The following ZNF75A variants were observed in gnomAD, a reference collection of about 807,000 sequenced individuals.
ZNF75A encodes the protein zinc finger protein 75A.
A neutral mutation model predicts 46.3 loss-of-function variants in ZNF75A; 36 were observed. The ratio of observed to expected loss-of-function variants is 0.78; its 90% CI spans 0.60 to 1.03. The LOEUF is 1.03. ZNF75A is among the 50% of genes least tolerant of loss of function. The probability of loss-of-function intolerance (pLI) is 0.00; values close to 1 mark genes in which losing one functional copy is unlikely to be tolerated. For synonymous variants in ZNF75A, 234 were observed against 189.9 expected (o/e 1.23, Z -1.91); for missense variants, 595 against 551.3 (o/e 1.08, Z -0.79).
At chr16:3,305,958 A>G (rs1203499642) in intron 1 of ZNF75A, 3 of 152,254 alleles carry the variant, frequency 2.0e-5, no homozygotes, top group Non-Finnish European at 2.9e-5. Flanking sequence ...CTGCGCCCGC[A>G]GACTCTTTCC....
chr16:3,306,084 G>A (rs1269198844), intron 1 of ZNF75A: 1 of 152,172 alleles, frequency 6.6e-6, no homozygotes, highest in South Asian at 2.1e-4. Flanking sequence ...CTGGAACCGG[G>A]GTGGGCAGCA....
At position 3,318,293 on chromosome 16, in the gene ZNF75A, G is replaced by A. The variant is rs952606848; in HGVS notation, c.*424G>A. The A allele has an allele frequency of 1.3e-5, 13 of 989,746 alleles. No homozygotes were observed. Among genetic ancestry groups the A allele is most frequent in the Non-Finnish European group, 1.6e-5 (13 of 832,930 alleles). 61.3% of individuals were successfully genotyped at this position (989,746 alleles called of 1,614,324 possible). The stretch of plus-strand genomic sequence containing the variant: ...TTTTCTTTCTTTTGTCATTGGACAC[G>A]GTTTGCAAAGTTGGACATCACTTGA... On this transcript the variant is annotated 3_prime_UTR_variant, in exon 7 of 7. Coordinates refer to ENST00000669516, the MANE Select transcript of ZNF75A (RefSeq NM_001302109.2).
At chr16:3,323,109 TAAA>T (rs567589972), downstream of ZNF75A, 7 of 548,750 alleles carry the variant, frequency 1.3e-5, no homozygotes, top group Non-Finnish European at 2.1e-5. Context: ...AGATACTTGA[TAAA>T]AAAAATCTCA....
Position 3,312,648 on chromosome 16 carries a change from G to T in ZNF75A, c.605-29G>T, listed in dbSNP as rs554623756. On this transcript the variant is annotated intron_variant, in intron 3 of 6. Coordinates refer to ENST00000669516, the MANE Select transcript of ZNF75A (RefSeq NM_001302109.2). The stretch of plus-strand genomic sequence containing the variant: ...GCTCAGGATGTTTATAGATAAAAGA[G>T]ATTTCTTCTGGCTCTTTTCCCCCCA... The T allele has an allele frequency of 1.6e-5, 15 of 960,258 alleles. No homozygotes were observed. In the South Asian group the frequency reaches 5.4e-4, roughly 35 times the overall value. The allele number at this position is 960,258 out of a possible 1,614,324, so 59.5% of individuals were successfully genotyped here. A position where few individuals can be genotyped will look rare whatever the true frequency, so the allele number is the denominator to read the frequency against.
chr16:3,317,358 A>G lies in ZNF75A; in HGVS notation c.1103A>G (p.Gln368Arg), dbSNP rs753677491. 1.2e-6 allele frequency: 2 copies of G among 1,614,176 alleles called. No homozygotes were observed. The highest frequency in any genetic ancestry group is 1.7e-6 in the Non-Finnish European group (2 of 1,180,026). ...ATGCACAGAGTGGGAAAATGGCACC[A>G]AGATTTTCCAGTGAAGAAAAGAAAG... ...FDMHRVGKWH[Q>R]DFPVKKRKKL... is the part of the protein sequence containing the mutation. Residue 368 changes from glutamine (Q) to arginine (R), a missense_variant, in exon 7 of 7, where the codon CAA (glutamine) becomes CGA (arginine). By Grantham distance (43) the Gln-to-Arg change is conservative (BLOSUM62 1). Transcript: ENST00000669516.
rs546687702 is a variant in ZNF75A, at chr16:3,308,763, A to T, written c.335A>T (p.His112Leu). The T allele has an allele frequency of 5.2e-5, 51 of 987,724 alleles. No individual in the cohort carries two copies. The African/African-American group carries it at 8.5e-4, about 17-fold the overall frequency. 61.2% of individuals were successfully genotyped at this position (987,724 alleles called of 1,614,324 possible). A position where few individuals can be genotyped will look rare whatever the true frequency, so the allele number is the denominator to read the frequency against. The change falls in exon 2 of 7, where the codon CAT becomes CTT. Residue 112 changes from histidine (H) to leucine (L), a missense_variant. By Grantham distance (99) the His-to-Leu change is moderately conservative. Transcript: ENST00000669516. ...RETQTQMQKH[H>L]PQSIEEAVAL... Reference sequence around the variant, plus strand: ...ACACAGACCCAGATGCAGAAGCACCATCCACAGAGCATTGAGGAGGCTGTG... The same window carrying T: ...ACACAGACCCAGATGCAGAAGCACCTTCCACAGAGCATTGAGGAGGCTGTG...
Position 3,318,117 on chromosome 16 carries a change from A to G in ZNF75A, c.*248A>G, listed in dbSNP as rs1961366693. 2.4e-6 allele frequency: 3 copies of G among 1,233,512 alleles called. No homozygotes were observed. Among genetic ancestry groups the G allele is most frequent in the African/African-American group, 3.1e-5 (2 of 64,416 alleles). The allele number at this position is 1,233,512 out of a possible 1,614,324, so 76.4% of individuals were successfully genotyped here. A position where few individuals can be genotyped will look rare whatever the true frequency, so the allele number is the denominator to read the frequency against. ...TCATTTTTGAACACATCCAATAGAA[A>G]CATTGGCAGCATGGTCTTCCAAAAC... On this transcript the variant is annotated 3_prime_UTR_variant, in exon 7 of 7. Coordinates refer to ENST00000669516, the MANE Select transcript of ZNF75A (RefSeq NM_001302109.2).
chr16:3,311,073 C>A, intron 2 of ZNF75A: 2 of 518,984 alleles, frequency 3.9e-6, no homozygotes, highest in Non-Finnish European at 4.9e-6. Flanking sequence ...TTAGAGAAAA[C>A]TAGAAGACAG....
intron 2 of ZNF75A, chr16:3,310,759 G>A (rs899569730): frequency 1.0e-6 from 1 of 985,410 alleles, no homozygotes; most frequent in African/African-American, 1.7e-5. Flanking sequence ...GAAATGCACT[G>A]ATGGGTAATG....
rs62034711 is a variant in ZNF75A at position 3,305,565 on chromosome 16, C to T, written c.-195C>T. 35,706 of 152,286 alleles carry T rather than the reference C, an allele frequency of 0.23. 4,504 individuals carry two copies. The highest frequency in any genetic ancestry group is 0.3 in the Admixed American group (4,624 of 15,294). 9.4% of individuals were successfully genotyped at this position (152,286 alleles called of 1,614,324 possible). A position where few individuals can be genotyped will look rare whatever the true frequency, so the allele number is the denominator to read the frequency against. On this transcript the variant is annotated 5_prime_UTR_variant, in exon 1 of 7. Coordinates refer to ENST00000669516, the MANE Select transcript of ZNF75A (RefSeq NM_001302109.2). The stretch of plus-strand genomic sequence containing the variant: ...GGGCTGGCGGTTGCGCTCCTCAGAT[C>T]GGCGGCCTTTCGGGCGGTGGCTTGC...
At chr16:3,317,094 T>C in intron 6 of ZNF75A, 72 bp downstream of exon 6, 1 of 1,540,242 alleles carries the variant, frequency 6.5e-7, no homozygotes, top group Non-Finnish European at 8.8e-7. Flanking sequence ...ATTTTAAGAT[T>C]TTGTTCCTTT....
At chr16:3,305,954 C>T (rs565324504) in intron 1 of ZNF75A, 3 of 152,356 alleles carry the variant, frequency 2.0e-5, no homozygotes, top group African/African-American at 7.2e-5. Flanking sequence ...GCAGCTGCGC[C>T]CGCAGACTCT....
intron 1 of ZNF75A, chr16:3,307,516 T>G (rs1960382066): frequency 6.6e-6 from 1 of 152,054 alleles, no homozygotes; most frequent in South Asian, 2.1e-4. Context: ...AAGGTGCCTT[T>G]ATTTTTAGTT....
chr16:3,314,114 C>T (rs537187814), intron 5 of ZNF75A, among the ~76,000 whole-genome samples: 7 of 152,124 alleles, frequency 4.6e-5, no homozygotes, highest in Non-Finnish European at 1.0e-4. Context: ...TGAGGATAAT[C>T]ATCTGGGGAA....
At chr16:3,316,788 T>A in intron 5 of ZNF75A, 124 bp from the exon 6 acceptor site, 1 of 646,748 alleles carries the variant, frequency 1.5e-6, no homozygotes. Flanking sequence ...TTGGAGTCTA[T>A]CCATTTAACC....
At chr16:3,309,543 A>T (rs1298093791) in intron 2 of ZNF75A, 1 of 151,868 alleles carries the variant, frequency 6.6e-6, no homozygotes, top group South Asian at 2.1e-4. Flanking sequence ...GCCAAGGCAG[A>T]CAGATCCCCT....
intron 4 of ZNF75A, 85 bp from the exon 5 acceptor site, chr16:3,312,964 T>A (rs1221471904): frequency 6.8e-7 from 1 of 1,474,688 alleles, no homozygotes; most frequent in Non-Finnish European, 9.0e-7. Context: ...TTAATTCCTT[T>A]ATCGCCTGGC....
intron 1 of ZNF75A, chr16:3,308,042 C>G (rs773603952): frequency 6.6e-6 from 1 of 152,182 alleles, no homozygotes; most frequent in South Asian, 2.1e-4. Flanking sequence ...TCCCAAAATA[C>G]CTTTCAGCCA....
chr16:3,323,007 A>T, downstream of ZNF75A: 1 of 823,274 alleles, frequency 1.2e-6, no homozygotes, highest in Non-Finnish European at 1.5e-6. Flanking sequence ...CTGGACTGTG[A>T]TGAGAGGTAC....
Sources: allele counts gnomAD v4.1 joint callset (sites outside exome capture counted in the v4.1 genomes callset), GRCh38; gene constraint gnomAD v4.1.1; transcripts MANE v1.5; gene names NCBI Gene and HGNC (gene_info 2026-07-23, HGNC 2026-07-21).